The following UNC5D variants were observed in gnomAD, a reference collection of about 807,000 sequenced individuals.
The protein encoded by UNC5D is unc-5 netrin receptor D.
In UNC5D, 39 loss-of-function variants were observed where a neutral mutation model predicts 105.4. That is an observed-to-expected ratio of 0.37 (90% confidence interval 0.29 to 0.48). UNC5D has a LOEUF of 0.48. UNC5D is among the 20% of genes least tolerant of loss of function. UNC5D has a pLI of 0.98. For missense variants in UNC5D, 991 were observed against 1,202.4 expected (o/e 0.82, Z 2.60); for synonymous variants, 452 against 450.4 (o/e 1.00, Z -0.04).
At chr8:35,786,088 T>G (rs556685145) in intron 16 of UNC5D, among the ~76,000 whole-genome samples, 25 of 152,338 alleles carry the variant, frequency 1.6e-4, no homozygotes, top group African/African-American at 6.0e-4. Flanking sequence ...GTTTGTTACA[T>G]TTGTAGTACT....
chr8:35,347,849 C>G (rs1811916515), intron 1 of UNC5D, among the ~76,000 whole-genome samples: 1 of 151,922 alleles, frequency 6.6e-6, no homozygotes, highest in Admixed American at 6.6e-5. Context: ...TGCTGCATAG[C>G]CCAAGAGGTC....
chr8:35,705,323 T>C (rs1242374074), intron 7 of UNC5D, among the ~76,000 whole-genome samples: 1 of 152,216 alleles, frequency 6.6e-6, no homozygotes, highest in Non-Finnish European at 1.5e-5. Context: ...ACTGTGATTA[T>C]AAAATGACAA....
At chr8:35,544,394 A>G (rs1815487913) in intron 1 of UNC5D, 2 of 1,605,762 alleles carry the variant, frequency 1.2e-6, no homozygotes, top group Non-Finnish European at 1.7e-6. Context: ...CAGTAGCGTT[A>G]AATAAGTAGG....
At chr8:35,237,093 A>G (rs895307191) in intron 1 of UNC5D, among the ~76,000 whole-genome samples, 8 of 151,752 alleles carry the variant, frequency 5.3e-5, no homozygotes, top group African/African-American at 1.7e-4. Context: ...CCGGCTGCCT[A>G]GAAAGATTTT....
intron 1 of UNC5D, among the ~76,000 whole-genome samples, chr8:35,486,055 T>G (rs1230598710): frequency 6.6e-6 from 1 of 152,216 alleles, no homozygotes; most frequent in African/African-American, 2.4e-5. Flanking sequence ...GGCAGTAATT[T>G]ACCTTTGACA....
intron 1 of UNC5D, among the ~76,000 whole-genome samples, chr8:35,378,792 C>A (rs934791207): frequency 6.6e-6 from 1 of 152,142 alleles, no homozygotes; most frequent in Non-Finnish European, 1.5e-5. Context: ...GGTCCTGTGG[C>A]CTAACAGGGT....
intron 1 of UNC5D, among the ~76,000 whole-genome samples, chr8:35,539,029 C>T (rs1260165350): frequency 6.6e-6 from 1 of 151,832 alleles, no homozygotes; most frequent in African/African-American, 2.4e-5. Flanking sequence ...TTTGATATAA[C>T]TAAATGTTCA....
At chr8:35,782,725 G>C (rs1802560818) in intron 16 of UNC5D, among the ~76,000 whole-genome samples, 1 of 151,980 alleles carries the variant, frequency 6.6e-6, no homozygotes, top group Admixed American at 6.6e-5. Flanking sequence ...GGCTAGTCTT[G>C]AACTCCTGAC....
At chr8:35,481,161 C>T (rs2129974651) in intron 1 of UNC5D, among the ~76,000 whole-genome samples, 1 of 152,250 alleles carries the variant, frequency 6.6e-6, no homozygotes, top group South Asian at 2.1e-4. Context: ...TTTTATTGGA[C>T]AAACATATCC....
At chr8:35,383,606 G>A (rs896611618) in intron 1 of UNC5D, among the ~76,000 whole-genome samples, 3 of 152,216 alleles carry the variant, frequency 2.0e-5, no homozygotes, top group African/African-American at 4.8e-5. Flanking sequence ...CATAGTGGCC[G>A]AGTGAGTGTG....
Position 35,364,531 on chromosome 8 carries a change from A to G in UNC5D, c.103+128644A>G, listed in dbSNP as rs546935474. ...TTACCAATGATTCCTGGTTGCTTTT[A>G]TTACAGAATAGTATTTGGAAACCAT... On this transcript the variant is annotated intron_variant, in intron 1 of 16. Transcript: ENST00000404895. 3.0e-4 allele frequency among the ~76,000 whole-genome samples: 45 copies of G among 152,156 alleles called. 1 individual carries two copies. In the South Asian group the frequency reaches 9.3e-3, roughly 32 times the overall value.
chr8:35,770,433 C>T (rs1313241955), intron 15 of UNC5D, among the ~76,000 whole-genome samples: 2 of 152,080 alleles, frequency 1.3e-5, no homozygotes, highest in Non-Finnish European at 1.5e-5. Flanking sequence ...AAACCCAGTC[C>T]TTCATATCAC....
chr8:35,691,997 C>A (rs553906033), intron 7 of UNC5D, among the ~76,000 whole-genome samples: 1 of 152,200 alleles, frequency 6.6e-6, no homozygotes, highest in East Asian at 1.9e-4. Context: ...AGAAATGCCA[C>A]AGGGGCCTGA....
intron 4 of UNC5D, among the ~76,000 whole-genome samples, chr8:35,669,803 C>G (rs147187352): frequency 1.3e-5 from 2 of 152,024 alleles, no homozygotes; most frequent in Non-Finnish European, 1.5e-5. Context: ...TCATCCGTCC[C>G]TTATTTATGC....
chr8:35,544,655 T>G, intron 1 of UNC5D: 1 of 1,283,060 alleles, frequency 7.8e-7, no homozygotes, highest in Non-Finnish European at 1.0e-6. Flanking sequence ...CAGGCTGGAG[T>G]GCAATAGTGT....
At chr8:35,425,920 A>G (rs7815545) in intron 1 of UNC5D, among the ~76,000 whole-genome samples, 3 of 151,928 alleles carry the variant, frequency 2.0e-5, no homozygotes, top group African/African-American at 7.3e-5. Flanking sequence ...GAAGAAACCT[A>G]AAAACCATCT....
chr8:35,550,694 T>A (rs1816066915), intron 2 of UNC5D, among the ~76,000 whole-genome samples: 1 of 152,154 alleles, frequency 6.6e-6, no homozygotes, highest in African/African-American at 2.4e-5. Context: ...TTAGGATAAA[T>A]ATCTGAAAAG....
chr8:35,408,401 C>T (rs921779306), intron 1 of UNC5D, among the ~76,000 whole-genome samples: 9 of 151,122 alleles, frequency 6.0e-5, no homozygotes, highest in East Asian at 3.9e-4. Flanking sequence ...ATAGTCTTAA[C>T]GCACATCAGG....
At chr8:35,525,520 G>T in intron 1 of UNC5D, 1 of 1,612,332 alleles carries the variant, frequency 6.2e-7, no homozygotes, top group South Asian at 1.1e-5. Context: ...CTAACATTGA[G>T]TGAAGCTAGG....
Sources: gnomAD v4.1 joint callset for allele counts (sites outside exome capture counted in the v4.1 genomes callset) on GRCh38, gnomAD v4.1.1 for gene constraint, MANE v1.5 for transcripts, NCBI Gene and HGNC (gene_info 2026-07-23, HGNC 2026-07-21) for gene names.